The following SNRPC variants were observed in gnomAD, a reference collection of about 807,000 sequenced individuals.
The protein encoded by SNRPC is U1 small nuclear ribonucleoprotein C.
In SNRPC, 5 loss-of-function variants were observed where a neutral mutation model predicts 20.0. That is an observed-to-expected ratio of 0.25 (90% CI 0.13 to 0.53). The LOEUF (loss-of-function observed/expected upper bound fraction) is 0.53. SNRPC is among the 20% of genes least tolerant of loss of function. The pLI is 0.96. For synonymous variants in SNRPC, 61 were observed against 58.7 expected (o/e 1.04, Z -0.18); for missense variants, 112 against 224.1 (o/e 0.50, Z 3.19).
chr6:34,767,791 C>T lies in SNRPC; in HGVS notation c.161-117C>T, dbSNP rs973136757. On this transcript the variant is annotated intron_variant, in intron 3 of 5. Transcript: ENST00000244520. ...ATGATGTAATAATTTTAGATGACAA[C>T]TAGCAAGAGTAAAGTAATTGGAACC... 5 of 1,043,522 alleles carry T rather than the reference C, an allele frequency of 4.8e-6. No homozygotes were observed. The African/African-American group carries it at 6.6e-5, about 14-fold the overall frequency. 64.6% of individuals were successfully genotyped at this position (1,043,522 alleles called of 1,614,324 possible). A position where few individuals can be genotyped will look rare whatever the true frequency, so the allele number is the denominator to read the frequency against.
intron 2 of SNRPC, among the ~76,000 whole-genome samples, chr6:34,760,176 G>A (rs554407946): frequency 1.4e-5 from 2 of 147,020 alleles, no homozygotes; most frequent in African/African-American, 5.1e-5. Context: ...GCAATGGCGC[G>A]ATCTTGTTTC....
At chr6:34,770,248 T>C in intron 4 of SNRPC, 43 bp from the exon 5 acceptor site, 6 of 1,310,614 alleles carry the variant, frequency 4.6e-6, no homozygotes, top group Non-Finnish European at 6.6e-6. Flanking sequence ...AAAATGTTAA[T>C]ATGTGAGCAC....
At chr6:34,769,825 A>T (rs1764663794) in intron 4 of SNRPC, among the ~76,000 whole-genome samples, 1 of 152,124 alleles carries the variant, frequency 6.6e-6, no homozygotes, top group Non-Finnish European at 1.5e-5. Context: ...TTAATGTGTT[A>T]TGGCCTGTGA....
intron 2 of SNRPC, among the ~76,000 whole-genome samples, chr6:34,760,294 G>A (rs75398113): frequency 6.6e-6 from 1 of 151,650 alleles, no homozygotes; most frequent in Admixed American, 6.6e-5. Flanking sequence ...CTTATTTTTA[G>A]TACAGACGGG....
rs1554122597 is a variant in SNRPC, at chr6:34,771,349, A to AAAAG, written c.355+954_355+955insAAAG. Among the ~76,000 whole-genome samples the AAAAG allele has an allele frequency of 1.3e-4, 19 of 140,878 alleles. 1 individual carries two copies. The highest frequency in any genetic ancestry group is 1.4e-4 in the African/African-American group (5 of 36,600). 92.4% of individuals were successfully genotyped at this position (140,878 alleles called of 152,430 possible). A position where few individuals can be genotyped will look rare whatever the true frequency, so the allele number is the denominator to read the frequency against. ...GTCTCAAAAAAAAAAAAAAAAAAAA[A>AAAAG]GTGTGTCTAATGATTGGAACACTGT... is the stretch of plus-strand genomic sequence containing the variant. On this transcript the variant is annotated intron_variant, in intron 5 of 5. Coordinates refer to ENST00000244520, the MANE Select transcript of SNRPC (RefSeq NM_003093.3).
chr6:34,768,753 C>CAAAAA (rs11284276), intron 4 of SNRPC, among the ~76,000 whole-genome samples: 2 of 97,624 alleles, frequency 2.0e-5, no homozygotes, highest in Admixed American at 1.1e-4. Flanking sequence ...GACTTTGTCT[C>CAAAAA]AAAAAAAAAA....
At chr6:34,760,176 G>C (rs554407946) in intron 2 of SNRPC, among the ~76,000 whole-genome samples, 1 of 147,020 alleles carries the variant, frequency 6.8e-6, no homozygotes, top group Non-Finnish European at 1.5e-5. Context: ...GCAATGGCGC[G>C]ATCTTGTTTC....
chr6:34,772,616 A>G (rs1448215506), intron 5 of SNRPC, among the ~76,000 whole-genome samples: 1 of 152,226 alleles, frequency 6.6e-6, no homozygotes, highest in Non-Finnish European at 1.5e-5. Context: ...TTAGTTAAAA[A>G]TAAATTGGTA....
intron 2 of SNRPC, among the ~76,000 whole-genome samples, chr6:34,758,621 G>A (rs1021401157): frequency 6.6e-6 from 1 of 151,886 alleles, no homozygotes; most frequent in African/African-American, 2.4e-5. Context: ...AGCCAACCCC[G>A]TCTCTTAAAA....
At chr6:34,760,119 T>C (rs1471205115) in intron 2 of SNRPC, among the ~76,000 whole-genome samples, 1 of 150,772 alleles carries the variant, frequency 6.6e-6, no homozygotes, top group East Asian at 1.9e-4. Context: ...ATCTTTTTTT[T>C]TTTTTTTTTT....
intron 2 of SNRPC, among the ~76,000 whole-genome samples, chr6:34,761,350 G>A (rs1045142831): frequency 6.6e-6 from 1 of 151,756 alleles, no homozygotes; most frequent in Non-Finnish European, 1.5e-5. Context: ...GTAGGCCAGG[G>A]TGGTCTTGAA....
chr6:34,770,957 A>T (rs975528428), intron 5 of SNRPC, among the ~76,000 whole-genome samples: 1 of 152,206 alleles, frequency 6.6e-6, no homozygotes, highest in African/African-American at 2.4e-5. Flanking sequence ...TTACACTTCA[A>T]ACATTTTATT....
At chr6:34,766,025 G>GCCA (rs1764609206) in intron 3 of SNRPC, among the ~76,000 whole-genome samples, 1 of 151,284 alleles carries the variant, frequency 6.6e-6, no homozygotes, top group South Asian at 2.1e-4. Flanking sequence ...ATAGGCATGA[G>GCCA]CCACCACACC....
At chr6:34,757,883 C>T (rs1008903792) in intron 1 of SNRPC, 29 bp from the exon 2 acceptor site, 2 of 1,613,474 alleles carry the variant, frequency 1.2e-6, no homozygotes, top group Admixed American at 3.3e-5. Flanking sequence ...TGGTTGTCGT[C>T]TTTTTCTCTT....
In SNRPC at chr6:34,767,494, C is replaced by T. The variant is rs148224051; in HGVS notation, c.161-414C>T. Among the ~76,000 whole-genome samples, 705 of 152,284 alleles carry T rather than the reference C, an allele frequency of 4.6e-3. 4 individuals carry two copies. The highest frequency in any genetic ancestry group is 7.4e-3 in the Non-Finnish European group (502 of 68,024). On this transcript the variant is annotated intron_variant, in intron 3 of 5. Transcript: ENST00000244520. ...AGTTAGCCAGGTGTGGTGCCATGCA[C>T]CTGTAGCTACTCGGGAGGATGAATT...
chr6:34,760,065 GT>G (rs1764513667), intron 2 of SNRPC, among the ~76,000 whole-genome samples: 1 of 150,268 alleles, frequency 6.7e-6, no homozygotes, highest in Non-Finnish European at 1.5e-5. Context: ...GAACATTTAA[GT>G]TGGGTGGTTC....
intron 2 of SNRPC, among the ~76,000 whole-genome samples, chr6:34,758,567 G>C (rs1252188134): frequency 6.6e-6 from 1 of 151,880 alleles, no homozygotes; most frequent in Non-Finnish European, 1.5e-5. Context: ...TGTCCTCCTC[G>C]GCCTCCCAAA....
chr6:34,767,080 G>T (rs1006494897), intron 3 of SNRPC, among the ~76,000 whole-genome samples: 2 of 151,894 alleles, frequency 1.3e-5, no homozygotes, highest in African/African-American at 4.8e-5. Context: ...AATCTCTTTT[G>T]GGGCAGGCTT....
intron 4 of SNRPC, 102 bp downstream of exon 4, chr6:34,768,099 A>G (rs917088453): frequency 3.6e-5 from 32 of 894,042 alleles, no homozygotes; most frequent in Non-Finnish European, 5.0e-5. Flanking sequence ...TTGCATTTGT[A>G]TGTAGATAGT....
Sources: gnomAD v4.1 joint callset for allele counts (sites outside exome capture counted in the v4.1 genomes callset) on GRCh38, gnomAD v4.1.1 for gene constraint, MANE v1.5 for transcripts, NCBI Gene and HGNC (gene_info 2026-07-23, HGNC 2026-07-21) for gene names.